ARHGAP36: variants seen among roughly 807,000 people sequenced by gnomAD.
The protein encoded by ARHGAP36 is Rho GTPase activating protein 36.
Under a neutral mutation model 32.9 loss-of-function variants are expected in ARHGAP36, and 7 were observed. The observed-to-expected ratio is 0.21, with a 90% CI of 0.12 to 0.40. The LOEUF (loss-of-function observed/expected upper bound fraction) is 0.40, where lower values mean the gene tolerates loss of function less well. ARHGAP36 is among the 10% of genes least tolerant of loss of function. ARHGAP36 has a pLI of 1.00. For missense variants in ARHGAP36, 383 were observed against 442.2 expected (o/e 0.87, Z 1.20); for synonymous variants, 165 against 168.3 (o/e 0.98, Z 0.15).
chrX:131,078,410 G>A, intron 1 of ARHGAP36, among the ~76,000 whole-genome samples: 1 of 112,314 alleles, frequency 8.9e-6, no homozygotes, highest in Non-Finnish European at 1.9e-5. Context: ...TTGAATTCTA[G>A]ACTGAAACTG....
In ARHGAP36 at chrX:131,083,168, T is replaced by A; in HGVS notation, c.257T>A (p.Leu86Gln). ...TTTCTTTTTTCTCTTTCTGTAGCTC[T>A]GCCTATTGACCGTCCGAACACCTTG... ...FLSEFKPDRA[L>Q]PIDRPNTLDK... The change falls in exon 3 of 12, where the codon CTG (leucine) becomes CAG (glutamine). Residue 86 changes from leucine to glutamine, a missense_variant. Transcript: ENST00000276211. The A allele has an allele frequency of 8.3e-7, 1 of 1,210,742 alleles. No homozygotes were observed. The highest frequency in any genetic ancestry group is 1.1e-6 in the Non-Finnish European group (1 of 894,734).
intron 1 of ARHGAP36, among the ~76,000 whole-genome samples, chrX:131,076,454 T>G (rs1470046409): frequency 8.9e-6 from 1 of 112,307 alleles, no homozygotes; most frequent in African/African-American, 3.2e-5. Flanking sequence ...TTCACCATCC[T>G]GAGCCTGAGT....
chrX:131,068,114 G>T (rs2079710251), intron 1 of ARHGAP36, among the ~76,000 whole-genome samples: 3 of 111,602 alleles, frequency 2.7e-5, no homozygotes, highest in Non-Finnish European at 5.7e-5. Context: ...AACACATGCT[G>T]CATGTCAAAG....
At chrX:131,079,851 T>C (rs1353907760) in intron 1 of ARHGAP36, among the ~76,000 whole-genome samples, 1 of 111,823 alleles carries the variant, frequency 8.9e-6, no homozygotes, top group Non-Finnish European at 1.9e-5. Context: ...TTGGGAGCTA[T>C]CCTAAATTGT....
At chrX:131,060,674 G>A (rs1260431766) in intron 1 of ARHGAP36, among the ~76,000 whole-genome samples, 4 of 112,173 alleles carry the variant, frequency 3.6e-5, no homozygotes, top group African/African-American at 1.3e-4. Context: ...TTTCTAGTCT[G>A]GTGGTACCTG....
intron 1 of ARHGAP36, among the ~76,000 whole-genome samples, chrX:131,064,203 G>T (rs2079685091): frequency 8.9e-6 from 1 of 111,857 alleles, no homozygotes; most frequent in South Asian, 3.8e-4. Flanking sequence ...AGGGAAGTCT[G>T]GACAGTGAGC....
In ARHGAP36 at chrX:131,085,943, T is replaced by C. The variant is rs780065263; in HGVS notation, c.1135T>C (p.Leu379=). The C allele has an allele frequency of 1.9e-5, 23 of 1,209,957 alleles. No homozygotes were observed. Among genetic ancestry groups the C allele is most frequent in the Non-Finnish European group, 2.1e-5 (19 of 895,245 alleles). The change falls in exon 9 of 12, where the codon TTG becomes CTG. Residue 379 remains leucine (L), a synonymous_variant. Coordinates refer to ENST00000276211, the MANE Select transcript of ARHGAP36 (RefSeq NM_144967.4). ...AGGCAACCGTATGACTTCCACTAAC[T>C]TGGCCTTGGTGTTTGGATCTGCTCT... ...VPGNRMTSTN[L]ALVFGSALLK... is the part of the protein sequence containing the mutation.
chrX:131,085,864 C>T (rs1425909224), intron 8 of ARHGAP36, 49 bp from the exon 9 acceptor site: 1 of 1,188,367 alleles, frequency 8.4e-7, no homozygotes, highest in Non-Finnish European at 1.1e-6. Context: ...ATTTGTACAA[C>T]TCCCAGTACT....
chrX:131,075,623 A>ATGTG (rs5903808), intron 1 of ARHGAP36, among the ~76,000 whole-genome samples: 10,816 of 97,665 alleles, frequency 0.11, 522 homozygotes, highest in East Asian at 0.29. Context: ...GTGTATATAT[A>ATGTG]TGTGTGTGTG....
intron 1 of ARHGAP36, among the ~76,000 whole-genome samples, chrX:131,065,267 C>T (rs750540822): frequency 7.8e-4 from 88 of 112,205 alleles, no homozygotes; most frequent in Non-Finnish European, 1.5e-3. Flanking sequence ...AGTTTGTCTT[C>T]CATTGCACAG....
chrX:131,067,885 C>A (rs2079708418), intron 1 of ARHGAP36, among the ~76,000 whole-genome samples: 1 of 111,681 alleles, frequency 9.0e-6, no homozygotes, highest in African/African-American at 3.3e-5. Context: ...CACCTGTAAA[C>A]CCACATTGAC....
chrX:131,086,064 T>C lies in ARHGAP36; in HGVS notation c.1256T>C (p.Ile419Thr), dbSNP rs752205248. 2 of 1,209,870 alleles carry C rather than the reference T, an allele frequency of 1.7e-6. No individual in the cohort carries two copies. Among genetic ancestry groups the C allele is most frequent in the East Asian group, 3.0e-5 (1 of 33,773 alleles). The stretch of plus-strand genomic sequence containing the variant: ...TCTGTCAATGTGGTCCGTGCCATGA[T>C]TGATAACTGGGATGTCCTCTTCCAG... ...VASVNVVRAM[I>T]DNWDVLFQVP... Residue 419 changes from isoleucine to threonine, a missense_variant, in exon 9 of 12, where the codon ATT (isoleucine) becomes ACT (threonine). Around this residue, in one of 2 missense-constraint regions of ARHGAP36, gnomAD observed 227 missense variants for 311.3 expected, o/e 0.73. Transcript: ENST00000276211.
intron 11 of ARHGAP36, among the ~76,000 whole-genome samples, chrX:131,088,295 C>T (rs1274623273): frequency 1.8e-5 from 2 of 112,260 alleles, no homozygotes; most frequent in Non-Finnish European, 3.8e-5. Flanking sequence ...AGTCAGGTTA[C>T]TTGTAGGGTG....
chrX:131,062,503 A>T (rs2079675217), intron 1 of ARHGAP36, among the ~76,000 whole-genome samples: 1 of 111,612 alleles, frequency 9.0e-6, no homozygotes, highest in South Asian at 3.8e-4. Context: ...AATGATCATG[A>T]AATTTCCACT....
chrX:131,085,099 A>G, intron 7 of ARHGAP36, 35 bp downstream of exon 7: 4 of 1,190,191 alleles, frequency 3.4e-6, no homozygotes, highest in South Asian at 1.9e-5. Context: ...GGGCAAGGAA[A>G]GGAAATATTA....
At position 131,088,782 on chromosome X, in the gene ARHGAP36, T is replaced by C; in HGVS notation, c.1641T>C (p.Pro547=). ...AAACTGGCGTCAGCTACTTCTTTCC[T>C]TAGATGTTTTTCCTTCTATAAGGTG... ...EAKTGVSYFF[P] The change falls in exon 12 of 12, where the codon CCT becomes CCC. Residue 547 remains proline (P), a synonymous_variant. Coordinates refer to ENST00000276211, the MANE Select transcript of ARHGAP36 (RefSeq NM_144967.4). The C allele has an allele frequency of 1.7e-6, 2 of 1,203,970 alleles. No homozygotes were observed. The highest frequency in any genetic ancestry group is 2.2e-6 in the Non-Finnish European group (2 of 892,570).
At chrX:131,065,158 G>T (rs1210494911) in intron 1 of ARHGAP36, among the ~76,000 whole-genome samples, 1 of 110,888 alleles carries the variant, frequency 9.0e-6, no homozygotes, top group African/African-American at 3.3e-5. Flanking sequence ...TGGGTGGGGG[G>T]CATTAGAGAA....
At chrX:131,081,500 T>C in intron 1 of ARHGAP36, 24 bp from the exon 2 acceptor site, 2 of 1,043,124 alleles carry the variant, frequency 1.9e-6, no homozygotes, top group Non-Finnish European at 2.4e-6. Flanking sequence ...ATTTTTGAAG[T>C]TGGATTTTTT....
chrX:131,080,715 T>A (rs773385792), intron 1 of ARHGAP36, among the ~76,000 whole-genome samples: 2 of 112,394 alleles, frequency 1.8e-5, no homozygotes, highest in Admixed American at 9.4e-5. Flanking sequence ...CTAGAAATGG[T>A]CTGGAAATGA....
Sources: gnomAD v4.1 joint callset for allele counts (sites outside exome capture counted in the v4.1 genomes callset) on GRCh38, gnomAD v4.1.1 for gene constraint, gnomAD v4.1.1 regional missense constraint, MANE v1.5 for transcripts, NCBI Gene and HGNC (gene_info 2026-07-23, HGNC 2026-07-21) for gene names.